The following ARSH variants were observed in gnomAD, a reference collection of about 807,000 sequenced individuals.
ARSH encodes the protein arylsulfatase family member H, also known as arylsulfatase H.
Under a neutral mutation model 28.7 loss-of-function variants are expected in ARSH, and 32 were observed. The observed-to-expected ratio is 1.11, with a 90% CI of 0.84 to 1.50. ARSH has a LOEUF of 1.50. Among genes scored for constraint, ARSH ranks in the 40% most tolerant of loss-of-function variants. ARSH has a pLI of 0.00. For synonymous variants in ARSH, 176 were observed against 177.3 expected (o/e 0.99, Z 0.06); for missense variants, 440 against 452.4 (o/e 0.97, Z 0.25).
rs750723993 is a variant in ARSH, at chrX:3,033,139, C to G, written c.1443C>G (p.Leu481=). The G allele has an allele frequency of 8.3e-7, 1 of 1,211,569 alleles. No homozygotes were observed. Among genetic ancestry groups the G allele is most frequent in the Admixed American group, 2.2e-5 (1 of 45,946 alleles). The change falls in exon 9 of 9, where the codon CTC becomes CTG. Residue 481 remains leucine (L), a synonymous_variant. Coordinates refer to ENST00000381130, the MANE Select transcript of ARSH (RefSeq NM_001011719.2). ...SGDVTYHDPP[L]LFDISRDPSE... ...ATGTAACCTACCACGACCCACCACT[C>G]CTCTTTGACATCTCAAGAGACCCTT... is the stretch of plus-strand genomic sequence containing the variant.
At chrX:3,008,457 CTT>C (rs2089835682) in intron 1 of ARSH, among the ~76,000 whole-genome samples, 2 of 33,234 alleles carry the variant, frequency 6.0e-5, no homozygotes, top group African/African-American at 2.6e-4. Context: ...TATTTTCTTT[CTT>C]TCTTTCTTTC....
Position 3,027,318 on chromosome X carries a change from A to T in ARSH, c.1042A>T (p.Lys348Ter), listed in dbSNP as rs750981893. 1 of 1,210,503 alleles carries T rather than the reference A, an allele frequency of 8.3e-7. No individual in the cohort carries two copies. The highest frequency in any genetic ancestry group is 1.1e-6 in the Non-Finnish European group (1 of 895,196). ...GGWNGIYKGG[K>*]GMGGWEGGIR... ...GTCGTAATCTTTGGTTTTAGGTGGC[A>T]AAGGAATGGGAGGATGGGAAGGAGG... Residue 348 changes from lysine (K) to a stop codon, truncating the protein, a stop_gained, in exon 7 of 9, where the codon AAA becomes TAA. Coordinates refer to ENST00000381130, the MANE Select transcript of ARSH (RefSeq NM_001011719.2). LOFTEE classifies it high-confidence loss of function.
At position 3,006,627 on chromosome X, in the gene ARSH, C is replaced by G; in HGVS notation, c.15C>G (p.Ala5=). MTRN[A]RPNIVLLMAD... Reference sequence around the variant, plus strand: ...ATGGCACATTTATGACAAGAAACGCCAGACCCAACATTGTCCTGCTGATGG... The same window carrying G: ...ATGGCACATTTATGACAAGAAACGCGAGACCCAACATTGTCCTGCTGATGG... The change falls in exon 1 of 9, where the codon GCC becomes GCG. Residue 5 remains alanine, a synonymous_variant. Coordinates refer to ENST00000381130, the MANE Select transcript of ARSH (RefSeq NM_001011719.2). 4 of 1,210,997 alleles carry G rather than the reference C, an allele frequency of 3.3e-6. No individual in the cohort carries two copies. Among genetic ancestry groups the G allele is most frequent in the Non-Finnish European group, 4.5e-6 (4 of 895,063 alleles).
rs181411197 is a variant in ARSH, at chrX:3,029,122, C to T, written c.1200-125C>T. The T allele has an allele frequency of 2.9e-3, 1,985 of 676,766 alleles. 23 individuals are homozygous for T. The highest frequency in any genetic ancestry group is 0.024 in the African/African-American group (1,018 of 42,552). The allele number at this position is 676,766 out of a possible 1,213,427, so 55.8% of individuals were successfully genotyped here. On this transcript the variant is annotated intron_variant, in intron 7 of 8. Transcript: ENST00000381130. Reference sequence around the variant, plus strand: ...AAAGAAATTCTTCCTCTTTATCTTTCGCCTCCTTCTCTTCCTCCCCTTCCT... The same window carrying T: ...AAAGAAATTCTTCCTCTTTATCTTTTGCCTCCTTCTCTTCCTCCCCTTCCT...
Position 3,018,534 on chromosome X carries a change from G to A in ARSH, c.765G>A (p.Arg255=). ...MLKEALAFIE[R]YKREPFLLFF... is the part of the protein sequence containing the mutation. ...ATTTTGGTAACTTTCTACCCCTTAG[G>A]TACAAAAGGGAACCTTTTCTCCTCT... is the stretch of plus-strand genomic sequence containing the variant. The change falls in exon 5 of 9, where the codon AGG becomes AGA. Residue 255 remains arginine, a splice_region_variant and synonymous_variant. Coordinates refer to ENST00000381130, the MANE Select transcript of ARSH (RefSeq NM_001011719.2). The A allele has an allele frequency of 8.3e-7, 1 of 1,209,066 alleles. No individual in the cohort carries two copies. The highest frequency in any genetic ancestry group is 1.1e-6 in the Non-Finnish European group (1 of 894,029).
At chrX:3,030,890 T>C (rs751274343) in intron 8 of ARSH, among the ~76,000 whole-genome samples, 25 of 110,706 alleles carry the variant, frequency 2.3e-4, no homozygotes, top group Non-Finnish European at 4.0e-4. Context: ...TGGCTCACAG[T>C]TGTAATCTCA....
chrX:3,025,553 T>C (rs989936299), intron 6 of ARSH, among the ~76,000 whole-genome samples: 31 of 106,969 alleles, frequency 2.9e-4, no homozygotes, highest in African/African-American at 1.0e-3. Context: ...ATCCTATATA[T>C]ATATTCACTA....
intron 1 of ARSH, among the ~76,000 whole-genome samples, chrX:3,007,983 T>G (rs745395878): frequency 1.6e-4 from 18 of 111,634 alleles, no homozygotes; most frequent in Non-Finnish European, 3.4e-4. Context: ...ATCACCTCTA[T>G]AAAGACTCCA....
chrX:3,033,128 G>A lies in ARSH; in HGVS notation c.1432G>A (p.Asp478Asn), dbSNP rs759497002. The A allele has an allele frequency of 3.3e-6, 4 of 1,211,036 alleles. No homozygotes were observed. The highest frequency in any genetic ancestry group is 2.2e-5 in the Admixed American group (1 of 45,882). Reference protein sequence around the residue: ...CSCSGDVTYHDPPLLFDISRD... With the variant: ...CSCSGDVTYHNPPLLFDISRD... Reference sequence around the variant, plus strand: ...ATGTTCGGGGGATGTAACCTACCACGACCCACCACTCCTCTTTGACATCTC... The same window carrying A: ...ATGTTCGGGGGATGTAACCTACCACAACCCACCACTCCTCTTTGACATCTC... The change falls in exon 9 of 9, where the codon GAC becomes AAC. Residue 478 changes from aspartate to asparagine, a missense_variant. Asp to Asn is a conservative substitution (Grantham distance 23). Transcript: ENST00000381130.
At chrX:3,009,061 G>C (rs971661011) in intron 1 of ARSH, among the ~76,000 whole-genome samples, 33 of 111,404 alleles carry the variant, frequency 3.0e-4, no homozygotes, top group African/African-American at 8.5e-4. Context: ...GTCACAATTT[G>C]GTCATAAAAT....
chrX:3,027,461 C>T lies in ARSH; in HGVS notation c.1185C>T (p.Ile395=), dbSNP rs1278871270. The T allele has an allele frequency of 8.3e-7, 1 of 1,209,117 alleles. No homozygotes were observed. The highest frequency in any genetic ancestry group is 1.1e-6 in the Non-Finnish European group (1 of 894,790). ...YPTLSYIGGG[I]LSQDRVIDGQ... Reference sequence around the variant, plus strand: ...CGCTGTCTTATATAGGCGGAGGGATCTTGTCCCAGGACAGGTATGGAAACA... The same window carrying T: ...CGCTGTCTTATATAGGCGGAGGGATTTTGTCCCAGGACAGGTATGGAAACA... The change falls in exon 7 of 9, where the codon ATC becomes ATT. Residue 395 remains isoleucine (I), a synonymous_variant. Transcript: ENST00000381130.
intron 1 of ARSH, among the ~76,000 whole-genome samples, chrX:3,007,444 T>C (rs942525578): frequency 1.9e-4 from 21 of 111,191 alleles, no homozygotes; most frequent in African/African-American, 6.9e-4. Context: ...CATATACAAG[T>C]AATCATATAA....
rs775211505 is a variant in ARSH, at chrX:3,018,592, A to G, written c.823A>G (p.Ile275Val). The change falls in exon 5 of 9, where the codon ATC becomes GTC. Residue 275 changes from isoleucine to valine, a missense_variant. Ile to Val is a conservative substitution (Grantham distance 29). Transcript: ENST00000381130. ...FSFLHVHTPL[I>V]SKKKFVGRSK... is the part of the protein sequence containing the mutation. ...CTTCCTGCACGTACATACTCCACTC[A>G]TCTCCAAAAAGAAGTTTGTTGGGCG... 20 of 1,209,075 alleles carry G rather than the reference A, an allele frequency of 1.7e-5. No homozygotes were observed. In the African/African-American group the frequency reaches 3.2e-4, roughly 19 times the overall value.
At chrX:3,014,737 C>T (rs1227831620) in intron 3 of ARSH, among the ~76,000 whole-genome samples, 10 of 111,354 alleles carry the variant, frequency 9.0e-5, no homozygotes, top group Admixed American at 2.9e-4. Context: ...CTCCTTGTCG[C>T]AAGCAAAGAG....
intron 5 of ARSH, among the ~76,000 whole-genome samples, chrX:3,020,445 C>T (rs1453221031): frequency 1.5e-4 from 16 of 106,202 alleles, no homozygotes; most frequent in Non-Finnish European, 2.1e-4. Flanking sequence ...AAAAATGAGC[C>T]GGGCGCGGTG....
intron 8 of ARSH, among the ~76,000 whole-genome samples, chrX:3,031,855 C>CT (rs979100523): frequency 9.0e-6 from 1 of 111,091 alleles, no homozygotes; most frequent in African/African-American, 3.3e-5. Flanking sequence ...GACCAGGGTT[C>CT]TTTTTTTCTA....
Position 3,033,450 on chromosome X carries a change from C to T in ARSH, c.*65C>T. On this transcript the variant is annotated 3_prime_UTR_variant, in exon 9 of 9. Transcript: ENST00000381130. ...TTACAATGGTCATAGGAGCAGAGCTCACCTGACTGATTCATTCCATTTGGG... is the reference window on the plus strand; with the variant it reads ...TTACAATGGTCATAGGAGCAGAGCTTACCTGACTGATTCATTCCATTTGGG... 1 of 1,058,722 alleles carries T rather than the reference C, an allele frequency of 9.4e-7. No homozygotes were observed. The highest frequency in any genetic ancestry group is 3.1e-5 in the East Asian group (1 of 32,029). The allele number at this position is 1,058,722 out of a possible 1,213,427, so 87.3% of individuals were successfully genotyped here.
intron 2 of ARSH, among the ~76,000 whole-genome samples, chrX:3,012,649 T>A (rs183183910): frequency 0.012 from 995 of 83,648 alleles, 23 homozygotes; most frequent in African/African-American, 0.042. Flanking sequence ...AAAAAGAAAT[T>A]GTCACTCCTA....
At position 3,029,387 on chromosome X, in the gene ARSH, G is replaced by A. The variant is rs1196553551; in HGVS notation, c.1321+19G>A. 4 of 1,198,415 alleles carry A rather than the reference G, an allele frequency of 3.3e-6. No homozygotes were observed. The highest frequency in any genetic ancestry group is 4.5e-6 in the Non-Finnish European group (4 of 888,275). On this transcript the variant is annotated intron_variant, in intron 8 of 8. Coordinates refer to ENST00000381130, the MANE Select transcript of ARSH (RefSeq NM_001011719.2). ...AAGGACTGTAAGTATGAAGGCTGTG[G>A]ACACGTGGAAAGACGATAAGGGCCC...
Sources: allele counts gnomAD v4.1 joint callset (sites outside exome capture counted in the v4.1 genomes callset), GRCh38; gene constraint gnomAD v4.1.1; transcripts MANE v1.5; gene names NCBI Gene and HGNC (gene_info 2026-07-23, HGNC 2026-07-21).